Variants in ANO10 observed in about 807,000 individuals in gnomAD.
ANO10 encodes anoctamin 10.
ANO10 carries 77 observed loss-of-function variants against 74.7 expected under a neutral mutation model. The observed-to-expected ratio is 1.03, with a 90% CI of 0.86 to 1.25. The LOEUF is 1.25. Ranked by LOEUF, ANO10 falls within the 50% of genes most tolerant of loss-of-function variation. ANO10 has a pLI of 0.00. For missense variants in ANO10, 721 were observed against 778.1 expected, an observed-to-expected ratio of 0.93 and a Z score of 0.87; for synonymous variants, 279 against 284.9, an observed-to-expected ratio of 0.98 and a Z score of 0.21.
chr3:43,543,413 G>A (rs1051846482), intron 11 of ANO10, among the ~76,000 whole-genome samples: 4 of 151,896 alleles, frequency 2.6e-5, no homozygotes, highest in African/African-American at 7.3e-5. Flanking sequence ...TTTTTGAGAC[G>A]GAGTCTCGCT....
chr3:43,607,785 T>A (rs2149501506), intron 1 of ANO10, among the ~76,000 whole-genome samples: 1 of 152,280 alleles, frequency 6.6e-6, no homozygotes, highest in African/African-American at 2.4e-5. Flanking sequence ...AAGACAAGAT[T>A]GATAATTTTG....
At chr3:43,462,967 G>A (rs1013134696) in intron 11 of ANO10, among the ~76,000 whole-genome samples, 1 of 152,200 alleles carries the variant, frequency 6.6e-6, no homozygotes, top group African/African-American at 2.4e-5. Context: ...CAAAAACTGA[G>A]GTTTGGGAGC....
chr3:43,533,323 C>T (rs531523542), intron 11 of ANO10, among the ~76,000 whole-genome samples: 6 of 152,258 alleles, frequency 3.9e-5, no homozygotes, highest in African/African-American at 1.4e-4. Flanking sequence ...AAGTATCTCT[C>T]CTCGAAATAA....
intron 1 of ANO10, among the ~76,000 whole-genome samples, chr3:43,673,057 C>T (rs956555861): frequency 1.3e-5 from 2 of 152,192 alleles, no homozygotes; most frequent in African/African-American, 4.8e-5. Flanking sequence ...TGCTCATTCA[C>T]TTACACCATC....
chr3:43,666,567 A>G (rs1040363769), intron 1 of ANO10, among the ~76,000 whole-genome samples: 3 of 152,188 alleles, frequency 2.0e-5, no homozygotes, highest in Admixed American at 1.3e-4. Flanking sequence ...GGGAAAGACT[A>G]TATCTATATA....
chr3:43,630,320 G>T (rs9757381), intron 1 of ANO10, among the ~76,000 whole-genome samples: 2,906 of 152,200 alleles, frequency 0.019, 97 homozygotes, highest in African/African-American at 0.066. Flanking sequence ...GAAACTGGAT[G>T]AATTAAAACT....
rs370488783 is a variant in ANO10, at chr3:43,510,332, G to A, written c.1797+39388C>T. 9.2e-5 allele frequency among the ~76,000 whole-genome samples: 14 copies of A among 151,792 alleles called. 1 individual carries two copies. The highest frequency in any genetic ancestry group is 3.4e-3 in the Middle Eastern group (1 of 292). ...TGTAATCCTGCCTACTGGGGAGGCT[G>A]AGGGAGGAGAATTGCTTGAACCCAG... On this transcript the variant is annotated intron_variant, in intron 11 of 12. Transcript: ENST00000292246.
chr3:43,603,470 G>T (rs1221111583), intron 2 of ANO10, among the ~76,000 whole-genome samples: 1 of 151,670 alleles, frequency 6.6e-6, no homozygotes, highest in African/African-American at 2.4e-5. Flanking sequence ...TTTCCTAAAG[G>T]ATTTTTATAA....
chr3:43,382,006 A>C lies in ANO10; in HGVS notation c.1915-15032T>G, dbSNP rs187951001. Among the ~76,000 whole-genome samples the C allele has an allele frequency of 4.2e-3, 635 of 152,372 alleles. 1 individual carries two copies. Among genetic ancestry groups the C allele is most frequent in the Non-Finnish European group, 6.9e-3 (472 of 68,040 alleles). On this transcript the variant is annotated intron_variant, in intron 12 of 12. Transcript: ENST00000292246. ...ATGAAATCAAGATGGAAATTAAAAA[A>C]TTATTTGAACTGAATAATAGTGACA...
intron 12 of ANO10, among the ~76,000 whole-genome samples, chr3:43,385,035 G>T (rs2092076026): frequency 6.6e-6 from 1 of 151,734 alleles, no homozygotes; most frequent in South Asian, 2.1e-4. Flanking sequence ...ACCAACAAAG[G>T]ACTAATATCC....
chr3:43,379,272 G>A (rs996409203), intron 12 of ANO10, among the ~76,000 whole-genome samples: 2 of 152,212 alleles, frequency 1.3e-5, no homozygotes, highest in Admixed American at 6.5e-5. Context: ...GTCGGGTACT[G>A]TTAGTAATTA....
intron 11 of ANO10, among the ~76,000 whole-genome samples, chr3:43,530,093 T>C (rs188104956): frequency 6.6e-6 from 1 of 152,044 alleles, no homozygotes; most frequent in Admixed American, 6.6e-5. Flanking sequence ...AAAATAGAAA[T>C]TAAGAAGATA....
rs878892357 is a variant in ANO10 at position 43,605,586 on chromosome 3, A to C, written c.139+128T>G. 13 of 1,291,994 alleles carry C rather than the reference A, an allele frequency of 1.0e-5. No homozygotes were observed. The South Asian group carries it at 1.6e-4, about 16-fold the overall frequency. 80.0% of individuals were successfully genotyped at this position (1,291,994 alleles called of 1,614,324 possible). ...GCAAAAAATTTAACATTAGTAAATA[A>C]AATATATCAACGAAAATTATAAAAC... On this transcript the variant is annotated intron_variant, in intron 2 of 12. Transcript: ENST00000292246.
At chr3:43,449,215 T>G (rs1159415154) in intron 11 of ANO10, among the ~76,000 whole-genome samples, 2 of 152,172 alleles carry the variant, frequency 1.3e-5, no homozygotes, top group Non-Finnish European at 2.9e-5. Flanking sequence ...GAGTTTTTTT[T>G]GTATATTTTG....
At chr3:43,646,653 C>T (rs1272022407) in intron 1 of ANO10, among the ~76,000 whole-genome samples, 2 of 152,050 alleles carry the variant, frequency 1.3e-5, no homozygotes, top group Admixed American at 6.5e-5. Flanking sequence ...TTACACGTGC[C>T]TGCCACCACA....
At chr3:43,622,434 G>C (rs984784164), upstream of ANO10, among the ~76,000 whole-genome samples, 4 of 152,172 alleles carry the variant, frequency 2.6e-5, no homozygotes, top group Non-Finnish European at 4.4e-5. Context: ...AAAGGAATAC[G>C]CCCCTTCACA....
chr3:43,421,381 T>C (rs1024742080), intron 12 of ANO10, among the ~76,000 whole-genome samples: 1 of 152,026 alleles, frequency 6.6e-6, no homozygotes, highest in Non-Finnish European at 1.5e-5. Flanking sequence ...AATAATTAGC[T>C]GGGCATGGTG....
intron 12 of ANO10, among the ~76,000 whole-genome samples, chr3:43,404,568 T>C (rs145398132): frequency 8.5e-5 from 13 of 152,250 alleles, no homozygotes; most frequent in African/African-American, 3.1e-4. Context: ...TTTGTGGTAA[T>C]TTGTTACAGA....
intron 11 of ANO10, among the ~76,000 whole-genome samples, chr3:43,525,078 G>C (rs747733861): frequency 1.1e-4 from 16 of 152,134 alleles, no homozygotes; most frequent in Non-Finnish European, 1.9e-4. Flanking sequence ...AATGTGTTGA[G>C]GTCATCACCA....
Sources: allele counts gnomAD v4.1 joint callset (sites outside exome capture counted in the v4.1 genomes callset), GRCh38; gene constraint gnomAD v4.1.1; transcripts MANE v1.5; gene names NCBI Gene and HGNC (gene_info 2026-07-23, HGNC 2026-07-21).